The following SMCO1 variants were observed in gnomAD, a reference collection of about 807,000 sequenced individuals.
SMCO1 encodes single-pass membrane and coiled-coil domain-containing protein 1.
SMCO1 carries 9 observed loss-of-function variants against 7.5 expected under a neutral mutation model. That is an observed-to-expected ratio of 1.20 (90% CI 0.72 to 2.09). The LOEUF (loss-of-function observed/expected upper bound fraction) is 2.09. Among genes scored for constraint, SMCO1 ranks in the 30% most tolerant of loss-of-function variants. The pLI, the probability that SMCO1 is intolerant of heterozygous loss-of-function variation, is 0.00. For synonymous variants in SMCO1, 90 were observed against 93.8 expected, an observed-to-expected ratio of 0.96 and a Z score of 0.23; for missense variants, 219 against 253.1, an observed-to-expected ratio of 0.87 and a Z score of 0.91.
At position 196,507,659 on chromosome 3, in the gene SMCO1, T is replaced by C; in HGVS notation, c.*228A>G. On this transcript the variant is annotated 3_prime_UTR_variant, in exon 3 of 3. Transcript: ENST00000397537. ...AGCAATGTATATTGGAAATAAACAT[T>C]TGAAAACAACAATACATTTGGTGAT... The C allele has an allele frequency of 3.3e-6, 1 of 307,100 alleles. No individual in the cohort carries two copies. The highest frequency in any genetic ancestry group is 6.0e-6 in the Non-Finnish European group (1 of 167,124). 19.0% of individuals were successfully genotyped at this position (307,100 alleles called of 1,614,324 possible).
At chr3:196,518,885 T>C (rs1197054293), upstream of SMCO1, among the ~76,000 whole-genome samples, 2 of 152,182 alleles carry the variant, frequency 1.3e-5, no homozygotes, top group African/African-American at 4.8e-5. Context: ...CCAATACCCA[T>C]GGGTCACTGG....
upstream of SMCO1, among the ~76,000 whole-genome samples, chr3:196,517,660 A>T (rs1281685518): frequency 4.0e-5 from 6 of 149,958 alleles, no homozygotes; most frequent in African/African-American, 1.5e-4. Context: ...CTGCCTGTTC[A>T]TCTGAATTCT....
At chr3:196,518,064 G>T (rs1299219963), upstream of SMCO1, among the ~76,000 whole-genome samples, 1 of 152,168 alleles carries the variant, frequency 6.6e-6, no homozygotes, top group African/African-American at 2.4e-5. Context: ...CTTTTTCTTT[G>T]TTGCCACATG....
upstream of SMCO1, among the ~76,000 whole-genome samples, chr3:196,519,414 A>T (rs1165176132): frequency 6.6e-6 from 1 of 152,218 alleles, no homozygotes; most frequent in Non-Finnish European, 1.5e-5. Flanking sequence ...TCCATTTTGC[A>T]GCTTTCTTTA....
intron 2 of SMCO1, among the ~76,000 whole-genome samples, chr3:196,509,253 G>A (rs1382703472): frequency 2.6e-4 from 38 of 147,190 alleles, no homozygotes; most frequent in African/African-American, 8.5e-4. Context: ...TTTAGTAGAG[G>A]CAGGGTTTCA....
At position 196,507,156 on chromosome 3, in the gene SMCO1, C is replaced by T. The variant is rs1312297004; in HGVS notation, c.*731G>A. On this transcript the variant is annotated 3_prime_UTR_variant, in exon 3 of 3. Coordinates refer to ENST00000397537, the MANE Select transcript of SMCO1 (RefSeq NM_001077657.3). The stretch of plus-strand genomic sequence containing the variant: ...AGAGGGTGCCAGACGAGAATGGGAG[C>T]TCTCAGTCTGGCTCATGGATTTATC... 1.3e-5 allele frequency: 2 copies of T among 152,208 alleles called. No individual in the cohort carries two copies. Among genetic ancestry groups the T allele is most frequent in the African/African-American group, 4.8e-5 (2 of 41,442 alleles). The allele number at this position is 152,208 out of a possible 1,614,324, so 9.4% of individuals were successfully genotyped here.
chr3:196,508,477 TCAAA>T, intron 2 of SMCO1, 146 bp from the exon 3 acceptor site: 1 of 678,800 alleles, frequency 1.5e-6, no homozygotes. Context: ...GAATTTAAAT[TCAAA>T]TTCAAATACT....
intron 1 of SMCO1, 172 bp downstream of exon 1, chr3:196,514,988 C>T: frequency 1.4e-6 from 1 of 738,082 alleles, no homozygotes; most frequent in Non-Finnish European, 2.3e-6. Context: ...GATCCGCCCA[C>T]CTCGGCCTCC....
chr3:196,508,387 G>A, intron 2 of SMCO1, 56 bp from the exon 3 acceptor site: 29 of 1,442,142 alleles, frequency 2.0e-5, no homozygotes, highest in Non-Finnish European at 2.7e-5. Context: ...TATAGAAACA[G>A]AAAATGAATT....
In SMCO1 at chr3:196,508,696, G is replaced by A. The variant is rs1001437977; in HGVS notation, c.201-365C>T. 4.6e-5 allele frequency among the ~76,000 whole-genome samples: 7 copies of A among 151,366 alleles called. No homozygotes were observed. In the East Asian group the frequency reaches 1.3e-3, roughly 27 times the overall value. ...TCACGCCTGTAATCCCAGCACTGTG[G>A]GAGGACGAGGTGGTTGGATCACCTG... On this transcript the variant is annotated intron_variant, in intron 2 of 2. Coordinates refer to ENST00000397537, the MANE Select transcript of SMCO1 (RefSeq NM_001077657.3).
chr3:196,515,088 T>C (rs760519145), intron 1 of SMCO1, 72 bp downstream of exon 1: 1 of 1,548,182 alleles, frequency 6.5e-7, no homozygotes, highest in Non-Finnish European at 8.9e-7. Flanking sequence ...ATTTCTATTC[T>C]TCATTCTTCT....
chr3:196,515,383 G>T, upstream of SMCO1: 1 of 589,522 alleles, frequency 1.7e-6, no homozygotes, highest in Non-Finnish European at 3.0e-6. Flanking sequence ...TTAATAGCCT[G>T]CAGATCCAAA....
upstream of SMCO1, among the ~76,000 whole-genome samples, chr3:196,517,579 C>T (rs1365817784): frequency 9.6e-6 from 1 of 103,992 alleles, no homozygotes; most frequent in Non-Finnish European, 1.7e-5. Flanking sequence ...TCTCTAACAG[C>T]ACCCCCCCAT....
upstream of SMCO1, among the ~76,000 whole-genome samples, chr3:196,518,637 C>T (rs1044802591): frequency 2.0e-5 from 3 of 152,176 alleles, no homozygotes; most frequent in Non-Finnish European, 4.4e-5. Flanking sequence ...CCCTAGACAA[C>T]GTAGCCATGT....
the SMCO1 span, among the ~76,000 whole-genome samples, chr3:196,520,939 T>G: frequency 6.6e-6 from 1 of 152,236 alleles, no homozygotes; most frequent in African/African-American, 2.4e-5. Context: ...CTCTTAATAT[T>G]GCTCTTTGTT....
intron 1 of SMCO1, among the ~76,000 whole-genome samples, chr3:196,511,961 T>C (rs1733250109): frequency 1.1e-5 from 1 of 93,636 alleles, no homozygotes; most frequent in Admixed American, 9.4e-5. Flanking sequence ...GAGGGAAACT[T>C]GCCTGAGCCA....
chr3:196,508,519 G>C (rs1326194677), intron 2 of SMCO1, among the ~76,000 whole-genome samples, 188 bp from the exon 3 acceptor site: 1 of 151,522 alleles, frequency 6.6e-6, no homozygotes, highest in Non-Finnish European at 1.5e-5. Context: ...TAAGAGACAG[G>C]GTCTCACTTT....
chr3:196,509,216 A>ATTTTTTTT (rs35933912), intron 2 of SMCO1, among the ~76,000 whole-genome samples: 18 of 107,996 alleles, frequency 1.7e-4, no homozygotes, highest in Non-Finnish European at 2.6e-4. Context: ...CACCCGGCTA[A>ATTTTTTTT]TTTTTTTTTT....
In SMCO1 at chr3:196,515,317, T is replaced by G; in HGVS notation, c.-108A>C. 1 of 797,992 alleles carries G rather than the reference T, an allele frequency of 1.3e-6. No individual in the cohort carries two copies. The highest frequency in any genetic ancestry group is 2.2e-6 in the Non-Finnish European group (1 of 461,326). The allele number at this position is 797,992 out of a possible 1,614,324, so 49.4% of individuals were successfully genotyped here. A position where few individuals can be genotyped will look rare whatever the true frequency, so the allele number is the denominator to read the frequency against. On this transcript the variant is annotated 5_prime_UTR_variant, in exon 1 of 3. Transcript: ENST00000397537. ...TCTTCCTCTCAGCAACAGGCAGCAG[T>G]AGCAGGAGCGCTCAGTCTACATTCT...
Sources: allele counts gnomAD v4.1 joint callset (sites outside exome capture counted in the v4.1 genomes callset), GRCh38; gene constraint gnomAD v4.1.1; transcripts MANE v1.5; gene names NCBI Gene and HGNC (gene_info 2026-07-23, HGNC 2026-07-21).